Variants in STK26 observed in about 807,000 individuals in gnomAD.
STK26 encodes serine/threonine kinase 26, also known as serine/threonine-protein kinase 26.
Under a neutral mutation model 34.7 loss-of-function variants are expected in STK26, and 14 were observed. The observed-to-expected ratio is 0.40, with a 90% confidence interval of 0.27 to 0.63. The LOEUF is 0.63. Among genes scored for constraint, STK26 ranks in the 30% least tolerant of loss-of-function variants. STK26 has a pLI of 0.38. For missense variants in STK26, 226 were observed against 309.1 expected, an observed-to-expected ratio of 0.73 and a Z score of 2.02; for synonymous variants, 100 against 109.8, an observed-to-expected ratio of 0.91 and a Z score of 0.56.
intron 2 of STK26, among the ~76,000 whole-genome samples, chrX:132,024,240 G>T (rs1935049039): frequency 9.0e-6 from 1 of 111,351 alleles, no homozygotes; most frequent in Non-Finnish European, 1.9e-5. Flanking sequence ...ATAGTGTGGC[G>T]TGAGAAATGC....
At chrX:132,058,348 C>T (rs931548149) in intron 3 of STK26, among the ~76,000 whole-genome samples, 11 of 110,170 alleles carry the variant, frequency 1.0e-4, no homozygotes, top group African/African-American at 3.3e-4. Flanking sequence ...CAGACTCACT[C>T]TAGGGCAAAA....
chrX:132,045,729 G>A (rs1367213715), intron 2 of STK26, among the ~76,000 whole-genome samples: 1 of 112,078 alleles, frequency 8.9e-6, no homozygotes, highest in African/African-American at 3.2e-5. Flanking sequence ...AGAGAAGAAT[G>A]TGATTGTTTG....
chrX:132,041,721 T>C (rs747310873), intron 2 of STK26, among the ~76,000 whole-genome samples: 33 of 110,824 alleles, frequency 3.0e-4, no homozygotes, highest in Admixed American at 5.8e-4. Context: ...ATTTTTAAGT[T>C]CCTAAACAGA....
chrX:132,023,692 G>A, intron 2 of STK26, 33 bp downstream of exon 2: 1 of 1,169,273 alleles, frequency 8.6e-7, no homozygotes. Flanking sequence ...CGCCGCCCAC[G>A]TGACTGCTTG....
intron 2 of STK26, among the ~76,000 whole-genome samples, chrX:132,029,224 G>A (rs1215974754): frequency 8.9e-6 from 1 of 112,021 alleles, no homozygotes; most frequent in African/African-American, 3.2e-5. Context: ...CAGCAAATGA[G>A]AGAATATAAT....
intron 2 of STK26, among the ~76,000 whole-genome samples, chrX:132,033,205 A>G (rs984398586): frequency 9.9e-5 from 11 of 111,307 alleles, no homozygotes; most frequent in African/African-American, 3.6e-4. Context: ...AATAGAAACC[A>G]TAAAGTCAGA....
intron 2 of STK26, among the ~76,000 whole-genome samples, chrX:132,027,672 C>T (rs2124120353): frequency 9.0e-6 from 1 of 111,091 alleles, no homozygotes; most frequent in Admixed American, 9.5e-5. Flanking sequence ...GAGTACAGAT[C>T]ATGATTGTCC....
intron 2 of STK26, among the ~76,000 whole-genome samples, chrX:132,050,530 T>C (rs903641775): frequency 9.0e-6 from 1 of 111,674 alleles, no homozygotes; most frequent in Admixed American, 9.5e-5. Context: ...CAGCCTTCCC[T>C]ATACATGGGT....
intron 4 of STK26, among the ~76,000 whole-genome samples, chrX:132,067,110 A>G (rs181367973): frequency 1.6e-3 from 176 of 112,069 alleles, no homozygotes; most frequent in South Asian, 2.6e-3. Context: ...TGAATTACAG[A>G]TATCCCTGGA....
At position 132,073,093 on chromosome X, in the gene STK26, A is replaced by G; in HGVS notation, c.1226A>G (p.Lys409Arg). The change falls in exon 11 of 12, where the codon AAG becomes AGG. Residue 409 changes from lysine to arginine, a missense_variant and splice_region_variant. Around this residue, in one of 2 missense-constraint regions of STK26, gnomAD observed 126 missense variants for 132.4 expected, o/e 0.95. Transcript: ENST00000394334. ...MVKKLIEKFQKCSADESP is the reference protein window; with the variant it reads ...MVKKLIEKFQRCSADESP ...AAGAAACTAATTGAAAAATTTCAAA[A>G]GTAAGTTGGAAATGTCATTTTAAAA... 1 of 1,186,124 alleles carries G rather than the reference A, an allele frequency of 8.4e-7. No homozygotes were observed. The highest frequency in any genetic ancestry group is 1.1e-6 in the Non-Finnish European group (1 of 883,245).
chrX:132,043,775 A>G (rs1478057900), intron 2 of STK26, among the ~76,000 whole-genome samples: 2 of 110,967 alleles, frequency 1.8e-5, no homozygotes, highest in Non-Finnish European at 3.8e-5. Context: ...GTTAATAGTG[A>G]TTGTAGATGT....
Position 132,023,335 on chromosome X carries a change from C to A in STK26, c.-183C>A. Reference sequence around the variant, plus strand: ...AGCCCAGGTCCCAGCCACCACCACTCACAGCGCTCGGCGTTCAGGAAGAGG... The same window carrying A: ...AGCCCAGGTCCCAGCCACCACCACTAACAGCGCTCGGCGTTCAGGAAGAGG... On this transcript the variant is annotated 5_prime_UTR_variant, in exon 1 of 12. Transcript: ENST00000394334. 1 of 492,610 alleles carries A rather than the reference C, an allele frequency of 2.0e-6. No homozygotes were observed. The highest frequency in any genetic ancestry group is 3.7e-6 in the Non-Finnish European group (1 of 268,491). The allele number at this position is 492,610 out of a possible 1,213,427, so 40.6% of individuals were successfully genotyped here. A position where few individuals can be genotyped will look rare whatever the true frequency, so the allele number is the denominator to read the frequency against.
chrX:132,045,141 G>A (rs1926455073), intron 2 of STK26, among the ~76,000 whole-genome samples: 1 of 109,187 alleles, frequency 9.2e-6, no homozygotes, highest in Admixed American at 1.0e-4. Flanking sequence ...AAATCAGTCT[G>A]GACAATGACT....
At chrX:132,069,121 G>A (rs1442739737) in intron 6 of STK26, among the ~76,000 whole-genome samples, 3 of 109,009 alleles carry the variant, frequency 2.8e-5, no homozygotes, top group South Asian at 4.0e-4. Flanking sequence ...AGTTAGCACC[G>A]TCTGGCACCA....
chrX:132,065,704 C>T (rs1421467172), intron 4 of STK26, among the ~76,000 whole-genome samples: 1 of 112,004 alleles, frequency 8.9e-6, no homozygotes, highest in East Asian at 2.8e-4. Flanking sequence ...GGTCATAAAC[C>T]CAGTGCTAAC....
chrX:132,074,100 T>G (rs909749144), intron 11 of STK26, 35 bp from the exon 12 acceptor site: 1 of 1,167,538 alleles, frequency 8.6e-7, no homozygotes, highest in Non-Finnish European at 1.2e-6. Context: ...CATGCATAGT[T>G]GTACATTGGT....
chrX:132,068,556 C>T lies in STK26; in HGVS notation c.584C>T (p.Ala195Val), dbSNP rs1456976138. ...WMAPEVIQQS[A>V]YDSKADIWSL... ...GCTCCTGAAGTTATTCAACAGTCAG[C>T]TTATGACTCAAAAGTAAAGTATTAC... The change falls in exon 6 of 12, where the codon GCT (alanine) becomes GTT (valine). Residue 195 changes from alanine (A) to valine (V), a missense_variant. Coordinates refer to ENST00000394334, the MANE Select transcript of STK26 (RefSeq NM_016542.4). 21 of 1,205,686 alleles carry T rather than the reference C, an allele frequency of 1.7e-5. No individual in the cohort carries two copies. Among genetic ancestry groups the T allele is most frequent in the Non-Finnish European group, 2.2e-5 (20 of 893,718 alleles).
chrX:132,072,131 A>G, intron 8 of STK26, 137 bp from the exon 9 acceptor site: 1 of 492,298 alleles, frequency 2.0e-6, no homozygotes, highest in Non-Finnish European at 3.5e-6. Flanking sequence ...TGAAGCTGAG[A>G]TCAGATGCTT....
intron 2 of STK26, among the ~76,000 whole-genome samples, chrX:132,047,301 G>A (rs778359754): frequency 1.2e-4 from 13 of 112,004 alleles, no homozygotes; most frequent in Non-Finnish European, 1.9e-4. Context: ...AGAAAATTTT[G>A]TGGGGAGTTT....
Sources: gnomAD v4.1 joint callset for allele counts (sites outside exome capture counted in the v4.1 genomes callset) on GRCh38, gnomAD v4.1.1 for gene constraint, gnomAD v4.1.1 regional missense constraint, MANE v1.5 for transcripts, NCBI Gene and HGNC (gene_info 2026-07-23, HGNC 2026-07-21) for gene names.